The following PPP3CB variants were observed in gnomAD, a reference collection of about 807,000 sequenced individuals.
PPP3CB encodes the protein serine/threonine-protein phosphatase 2B catalytic subunit beta isoform.
Under a neutral mutation model 66.4 loss-of-function variants are expected in PPP3CB, and 8 were observed. That is an observed-to-expected ratio of 0.12 (90% CI 0.07 to 0.22). The LOEUF (loss-of-function observed/expected upper bound fraction) is 0.22. Among genes scored for constraint, PPP3CB ranks in the 10% least tolerant of loss-of-function variants. The probability of loss-of-function intolerance (pLI) is 1.00; values close to 1 mark genes in which losing one functional copy is unlikely to be tolerated. For synonymous variants in PPP3CB, 208 were observed against 221.2 expected, an observed-to-expected ratio of 0.94 and a Z score of 0.53; for missense variants, 319 against 642.5, an observed-to-expected ratio of 0.50 and a Z score of 5.44.
At chr10:73,444,653 G>A (rs748671858) in intron 12 of PPP3CB, 72 bp downstream of exon 12, 3 of 1,601,062 alleles carry the variant, frequency 1.9e-6, no homozygotes, top group Non-Finnish European at 2.6e-6. Context: ...CATGCATTAT[G>A]TGAATTGTTA....
At chr10:73,459,890 T>C (rs2056492801) in intron 9 of PPP3CB, among the ~76,000 whole-genome samples, 1 of 152,176 alleles carries the variant, frequency 6.6e-6, no homozygotes, top group Non-Finnish European at 1.5e-5. Context: ...GTGGTAATGA[T>C]TGCACAACTC....
At chr10:73,483,045 A>G (rs1278095978) in intron 1 of PPP3CB, among the ~76,000 whole-genome samples, 2 of 152,230 alleles carry the variant, frequency 1.3e-5, no homozygotes, top group Non-Finnish European at 2.9e-5. Flanking sequence ...GCCAGACACA[A>G]GTGGTACTGC....
intron 10 of PPP3CB, chr10:73,448,825 A>G (rs2056301625): frequency 2.1e-6 from 1 of 468,278 alleles, no homozygotes; most frequent in Non-Finnish European, 4.3e-6. Context: ...GAAGGCCCTC[A>G]TATTTGGAAA....
At chr10:73,447,261 T>C (rs1276780658) in intron 10 of PPP3CB, among the ~76,000 whole-genome samples, 1 of 152,172 alleles carries the variant, frequency 6.6e-6, no homozygotes, top group Non-Finnish European at 1.5e-5. Flanking sequence ...AAGAAAAACA[T>C]GGCTAAAGGA....
chr10:73,439,866 T>TG lies in PPP3CB; in HGVS notation c.1396+5_1396+6insC, dbSNP rs2056118361. 2.5e-6 allele frequency: 4 copies of TG among 1,613,148 alleles called. No homozygotes were observed. Among genetic ancestry groups the TG allele is most frequent in the Non-Finnish European group, 3.4e-6 (4 of 1,179,330 alleles). On this transcript the variant is annotated splice_donor_region_variant and intron_variant, in intron 13 of 13. Transcript: ENST00000360663. ...TCTCTGCCCAGCACAAGGACTCTGA[T>TG]CATACCTTTTTCAGCCTCAATAGCC...
Position 73,479,350 on chromosome 10 carries a change from T to C in PPP3CB, c.253A>G (p.Lys85Glu). ...NEGAAILRRE[K>E]TMIEVEAPIT... ...GGAGCTTCTACTTCTATCATGGTTT[T>C]CTCTCTCCGAAGGATGGCAGCACCC... Residue 85 changes from lysine (K) to glutamate (E), a missense_variant, in exon 2 of 14, where the codon AAA becomes GAA. Coordinates refer to ENST00000360663, the MANE Select transcript of PPP3CB (RefSeq NM_021132.4). 6.2e-7 allele frequency: 1 copy of C among 1,614,140 alleles called. No homozygotes were observed. Among genetic ancestry groups the C allele is most frequent in the South Asian group, 1.1e-5 (1 of 91,084 alleles).
chr10:73,478,664 A>G (rs376130235), intron 2 of PPP3CB, 41 bp from the exon 3 acceptor site: 1 of 1,570,440 alleles, frequency 6.4e-7, no homozygotes, highest in East Asian at 2.2e-5. Context: ...AAAAATCTCT[A>G]AAACAACAAA....
At chr10:73,472,191 G>A (rs1483536809) in intron 4 of PPP3CB, among the ~76,000 whole-genome samples, 1 of 152,092 alleles carries the variant, frequency 6.6e-6, no homozygotes, top group Non-Finnish European at 1.5e-5. Context: ...TTAAAAATAA[G>A]TCAGTCAAAT....
intron 10 of PPP3CB, among the ~76,000 whole-genome samples, chr10:73,449,464 A>G (rs1432774756): frequency 6.6e-6 from 1 of 152,200 alleles, no homozygotes; most frequent in Non-Finnish European, 1.5e-5. Flanking sequence ...AGCTTTCCAT[A>G]TCTTCCATTC....
intron 12 of PPP3CB, among the ~76,000 whole-genome samples, chr10:73,443,179 CCT>C (rs1039917903): frequency 6.7e-6 from 1 of 149,232 alleles, no homozygotes; most frequent in African/African-American, 2.5e-5. Flanking sequence ...GAAACCAGAC[CCT>C]GTCTGTCTCT....
chr10:73,464,508 T>C (rs2056584948), intron 9 of PPP3CB, among the ~76,000 whole-genome samples: 1 of 152,162 alleles, frequency 6.6e-6, no homozygotes, highest in East Asian at 1.9e-4. Flanking sequence ...CCAATAAGTG[T>C]GAAGGTTGCA....
chr10:73,452,589 G>C (rs2056364354), intron 10 of PPP3CB, among the ~76,000 whole-genome samples: 1 of 151,888 alleles, frequency 6.6e-6, no homozygotes, highest in African/African-American at 2.4e-5. Flanking sequence ...CCAGCTACTT[G>C]GGAGGCTGAG....
chr10:73,482,774 C>A (rs1003997270), intron 1 of PPP3CB, among the ~76,000 whole-genome samples: 2 of 151,812 alleles, frequency 1.3e-5, no homozygotes, highest in Non-Finnish European at 2.9e-5. Flanking sequence ...CCCGCCACCA[C>A]ACCCGGCTAA....
At chr10:73,458,796 G>C (rs375309304) in intron 9 of PPP3CB, among the ~76,000 whole-genome samples, 3 of 151,968 alleles carry the variant, frequency 2.0e-5, no homozygotes, top group African/African-American at 7.2e-5. Context: ...AAGGCCGGGC[G>C]CAGTGGCTCA....
chr10:73,495,569 G>A (rs931344705), intron 1 of PPP3CB: 3 of 407,312 alleles, frequency 7.4e-6, no homozygotes, highest in Admixed American at 5.2e-5. Flanking sequence ...CCTTGGGCTA[G>A]GAAGCCACGG....
At chr10:73,486,710 G>A (rs1450342284) in intron 1 of PPP3CB, among the ~76,000 whole-genome samples, 5 of 152,106 alleles carry the variant, frequency 3.3e-5, no homozygotes. Flanking sequence ...TTTCAAAGTG[G>A]ATGGTGCTCA....
At chr10:73,476,024 G>GTTT (rs903948557) in intron 3 of PPP3CB, among the ~76,000 whole-genome samples, 9 of 137,526 alleles carry the variant, frequency 6.5e-5, no homozygotes, top group Non-Finnish European at 8.0e-5. Context: ...GCCCAGCTAA[G>GTTT]TTTTTTTTTT....
Position 73,495,870 on chromosome 10 carries a change from G to C in PPP3CB, c.20C>G (p.Ala7Gly). ...CGGGGGTGGGGGCGGTGCAGCCCGG[G>C]CCGGCTCCGGGGCGGCCATGCTGGG... MAAPEP[A>G]RAAPPPPPPP... Residue 7 changes from alanine (A) to glycine (G), a missense_variant, in exon 1 of 14, where the codon GCC (alanine) becomes GGC (glycine). Ala to Gly is a moderately conservative substitution (Grantham distance 60, BLOSUM62 0). Around this residue, in one of 5 missense-constraint regions of PPP3CB, gnomAD observed 104 missense variants for 128.4 expected, o/e 0.81. Coordinates refer to ENST00000360663, the MANE Select transcript of PPP3CB (RefSeq NM_021132.4). 7.3e-7 allele frequency: 1 copy of C among 1,374,138 alleles called. No homozygotes were observed. Among genetic ancestry groups the C allele is most frequent in the Non-Finnish European group, 9.4e-7 (1 of 1,065,824 alleles). The allele number at this position is 1,374,138 out of a possible 1,614,324, so 85.1% of individuals were successfully genotyped here.
chr10:73,466,851 A>G (rs767700445), intron 9 of PPP3CB: 3 of 152,190 alleles, frequency 2.0e-5, no homozygotes, highest in African/African-American at 7.2e-5. Flanking sequence ...CCACATATGG[A>G]AACTGAGGCA....
Sources: gnomAD v4.1 joint callset for allele counts (sites outside exome capture counted in the v4.1 genomes callset) on GRCh38, gnomAD v4.1.1 for gene constraint, gnomAD v4.1.1 regional missense constraint, MANE v1.5 for transcripts, NCBI Gene and HGNC (gene_info 2026-07-23, HGNC 2026-07-21) for gene names.